FKBP5: variants seen among roughly 807,000 people sequenced by gnomAD.
FKBP5 encodes the protein FKBP prolyl isomerase 5, also known as peptidyl-prolyl cis-trans isomerase FKBP5.
A neutral mutation model predicts 50.5 loss-of-function variants in FKBP5; 23 were observed. The ratio of observed to expected loss-of-function variants is 0.46; its 90% CI spans 0.33 to 0.65. The LOEUF (loss-of-function observed/expected upper bound fraction) is 0.65, where lower values mean the gene tolerates loss of function less well. Ranked by LOEUF, FKBP5 falls within the 30% of genes least tolerant of loss-of-function variation. The pLI is 0.02. For synonymous variants in FKBP5, 176 were observed against 190.6 expected, an observed-to-expected ratio of 0.92 and a Z score of 0.63; for missense variants, 411 against 553.1, an observed-to-expected ratio of 0.74 and a Z score of 2.58.
chr6:35,580,303 C>G, intron 8 of FKBP5, 82 bp from the exon 9 acceptor site: 2 of 1,099,126 alleles, frequency 1.8e-6, no homozygotes, highest in Non-Finnish European at 2.7e-6. Flanking sequence ...TGAAGCAACC[C>G]CTCCAGCAAA....
chr6:35,617,363 G>A (rs1469316504), intron 5 of FKBP5, among the ~76,000 whole-genome samples: 1 of 151,674 alleles, frequency 6.6e-6, no homozygotes, highest in East Asian at 1.9e-4. Context: ...TGGTACCTAG[G>A]CTAGAGTGCA....
intron 2 of FKBP5, among the ~76,000 whole-genome samples, chr6:35,718,185 G>A (rs1766545897): frequency 1.3e-5 from 2 of 152,168 alleles, no homozygotes; most frequent in African/African-American, 4.8e-5. Flanking sequence ...GAGGAAGGAA[G>A]TGGTAGGGGA....
chr6:35,617,428 T>C (rs1033536836), intron 5 of FKBP5, among the ~76,000 whole-genome samples: 1 of 152,078 alleles, frequency 6.6e-6, no homozygotes, highest in Non-Finnish European at 1.5e-5. Flanking sequence ...TCCTGGCCTC[T>C]AGTGATCCTC....
At chr6:35,698,141 A>C (rs986271668) in intron 2 of FKBP5, among the ~76,000 whole-genome samples, 1 of 152,186 alleles carries the variant, frequency 6.6e-6, no homozygotes, top group Non-Finnish European at 1.5e-5. Flanking sequence ...TCAGGGGTTC[A>C]AGACCAGCCT....
At chr6:35,586,069 G>A in intron 8 of FKBP5, 1 of 985,106 alleles carries the variant, frequency 1.0e-6, no homozygotes, top group Non-Finnish European at 1.2e-6. Flanking sequence ...TATTGCAGTG[G>A]CAGAAAACGA....
intron 3 of FKBP5, among the ~76,000 whole-genome samples, chr6:35,629,525 C>A (rs1413393183): frequency 6.6e-6 from 1 of 152,030 alleles, no homozygotes; most frequent in Non-Finnish European, 1.5e-5. Context: ...AACAAACAAA[C>A]AAACAGGGAA....
intron 2 of FKBP5, among the ~76,000 whole-genome samples, chr6:35,718,441 G>A (rs912457320): frequency 3.9e-5 from 6 of 152,198 alleles, no homozygotes; most frequent in African/African-American, 1.2e-4. Flanking sequence ...GGAATCGGCT[G>A]TTGGTTTGGT....
chr6:35,699,753 A>G (rs1191152032), intron 2 of FKBP5, among the ~76,000 whole-genome samples: 2 of 152,166 alleles, frequency 1.3e-5, no homozygotes, highest in African/African-American at 4.8e-5. Context: ...CACTTACTAA[A>G]AAGGAGGAAA....
intron 2 of FKBP5, among the ~76,000 whole-genome samples, chr6:35,715,942 G>C (rs1003499239): frequency 2.6e-5 from 4 of 152,208 alleles, no homozygotes; most frequent in Admixed American, 6.5e-5. Context: ...CAGTGGTGGT[G>C]AGGCCTTAAG....
chr6:35,713,264 C>A (rs777912499), intron 2 of FKBP5, among the ~76,000 whole-genome samples: 2 of 151,714 alleles, frequency 1.3e-5, no homozygotes, highest in African/African-American at 4.8e-5. Context: ...GTTGGGGGAA[C>A]CTTAGGACTA....
chr6:35,711,345 G>A (rs116298501), intron 2 of FKBP5, among the ~76,000 whole-genome samples: 4,075 of 151,146 alleles, frequency 0.027, 175 homozygotes, highest in African/African-American at 0.093. Context: ...AAGGCCGGGA[G>A]CTGTGGGTCA....
intron 3 of FKBP5, among the ~76,000 whole-genome samples, chr6:35,631,551 A>G (rs568451632): frequency 6.6e-6 from 1 of 152,336 alleles, no homozygotes; most frequent in East Asian, 1.9e-4. Context: ...TTAAAAGGGT[A>G]AACTTTATTA....
chr6:35,683,120 A>ATATGTGTGTGTG, intron 1 of FKBP5, among the ~76,000 whole-genome samples: 1 of 80,688 alleles, frequency 1.2e-5, no homozygotes, highest in Admixed American at 1.4e-4. Context: ...ATATACGTAT[A>ATATGTGTGTGTG]TGTGTGTGTG....
chr6:35,679,514 T>C (rs1205978556), intron 1 of FKBP5, among the ~76,000 whole-genome samples: 1 of 152,242 alleles, frequency 6.6e-6, no homozygotes, highest in African/African-American at 2.4e-5. Context: ...CAAAGAATTA[T>C]GTTTTTGTTG....
intron 1 of FKBP5, among the ~76,000 whole-genome samples, chr6:35,662,887 A>AT (rs1765111218): frequency 6.6e-6 from 1 of 152,194 alleles, no homozygotes; most frequent in African/African-American, 2.4e-5. Context: ...AACTGAAATA[A>AT]GTTAGCCCAA....
At chr6:35,710,715 A>G (rs1293168722) in intron 2 of FKBP5, among the ~76,000 whole-genome samples, 2 of 152,226 alleles carry the variant, frequency 1.3e-5, no homozygotes, top group Non-Finnish European at 2.9e-5. Context: ...ACTTTTTCAT[A>G]ATAGCCCAAA....
intron 1 of FKBP5, 144 bp from the exon 2 acceptor site, chr6:35,642,987 G>T: frequency 3.4e-6 from 2 of 590,822 alleles, no homozygotes; most frequent in Non-Finnish European, 6.0e-6. Context: ...AAAGGCATTT[G>T]CTATGAGCAT....
At chr6:35,604,780 T>C (rs1561853769) in intron 5 of FKBP5, among the ~76,000 whole-genome samples, 1 of 152,144 alleles carries the variant, frequency 6.6e-6, no homozygotes, top group Non-Finnish European at 1.5e-5. Context: ...TGTCTTTGGT[T>C]TTCTACACAG....
intron 3 of FKBP5, among the ~76,000 whole-genome samples, 171 bp from the exon 4 acceptor site, chr6:35,620,445 A>T (rs576388050): frequency 6.6e-6 from 1 of 152,138 alleles, no homozygotes; most frequent in Admixed American, 6.5e-5. Flanking sequence ...TTTTTTTTGA[A>T]GGCTATCACA....
Sources: allele counts gnomAD v4.1 joint callset (sites outside exome capture counted in the v4.1 genomes callset), GRCh38; gene constraint gnomAD v4.1.1; transcripts MANE v1.5; gene names NCBI Gene and HGNC (gene_info 2026-07-23, HGNC 2026-07-21).